Variants in ZNF600 observed in about 807,000 individuals in gnomAD.
ZNF600 encodes zinc finger protein KR-ZNF1.
ZNF600 carries 4 observed loss-of-function variants against 7.3 expected under a neutral mutation model. That is an observed-to-expected ratio of 0.55 (90% CI 0.27 to 1.25). ZNF600 has a LOEUF of 1.25. Ranked by LOEUF, ZNF600 falls within the 50% of genes most tolerant of loss-of-function variation. ZNF600 has a pLI of 0.12. For missense variants in ZNF600, 911 were observed against 922.1 expected (o/e 0.99, Z 0.16); for synonymous variants, 290 against 308.9 (o/e 0.94, Z 0.64).
chr19:52,780,592 T>C (rs2062712377), intron 1 of ZNF600: 1 of 152,096 alleles, frequency 6.6e-6, no homozygotes, highest in Non-Finnish European at 1.5e-5. Flanking sequence ...TTAAAGAATT[T>C]TGAAAGTCGA....
Position 52,766,810 on chromosome 19 carries a change from T to G in ZNF600, c.1153A>C (p.Thr385Pro). 5 of 1,614,114 alleles carry G rather than the reference T, an allele frequency of 3.1e-6. No individual in the cohort carries two copies. The South Asian group carries it at 3.3e-5, about 11-fold the overall frequency. Residue 385 changes from threonine to proline, a missense_variant, in exon 4 of 4, where the codon ACC becomes CCC. By Grantham distance (38) the Thr-to-Pro change is conservative (BLOSUM62 -1). Transcript: ENST00000648973. ...TGAATTCTCTTATGTGACTCAAGGG[T>G]TGATTTCCGACTGAAAACTTTGTCA...
chr19:52,815,528 A>ATTT, the ZNF600 span, among the ~76,000 whole-genome samples: 1 of 145,524 alleles, frequency 6.9e-6, no homozygotes, highest in Non-Finnish European at 1.5e-5. Context: ...AAAAAAATAA[A>ATTT]TAAAAAAAAT....
chr19:52,796,032 G>A, the ZNF600 span, among the ~76,000 whole-genome samples: 1 of 152,092 alleles, frequency 6.6e-6, no homozygotes, highest in Non-Finnish European at 1.5e-5. Context: ...AAAATTTGCC[G>A]GGTGCAATGG....
chr19:52,766,819 G>C (rs763427919), exon 4 of ZNF600: 1 of 1,613,944 alleles, frequency 6.2e-7, no homozygotes, highest in South Asian at 1.1e-5. Flanking sequence ...GTTGATTTCC[G>C]ACTGAAAACT....
chr19:52,790,166 G>A (rs7248685), upstream of ZNF600, among the ~76,000 whole-genome samples: 51,811 of 152,106 alleles, frequency 0.34, 9,917 homozygotes, highest in East Asian at 0.76. Context: ...CCATCTGGGC[G>A]TATACGTGCA....
the ZNF600 span, among the ~76,000 whole-genome samples, chr19:52,833,635 TG>T: frequency 3.1e-4 from 47 of 151,980 alleles, no homozygotes; most frequent in Non-Finnish European, 6.2e-4. Flanking sequence ...ATCCTGTACG[TG>T]AAAAAAGTAT....
downstream of ZNF600, chr19:52,764,510 T>C (rs1039199308): frequency 6.6e-6 from 1 of 151,248 alleles, no homozygotes; most frequent in African/African-American, 2.4e-5. Context: ...CCATCCAGCT[T>C]TGATATCCTT....
chr19:52,809,880 G>T, the ZNF600 span: 3 of 736,374 alleles, frequency 4.1e-6, no homozygotes, highest in South Asian at 4.7e-5. Flanking sequence ...GGGCGGTCCG[G>T]GATCCAGGCC....
intron 3 of ZNF600, 91 bp downstream of exon 5, chr19:52,774,482 TGG>T: frequency 1.1e-6 from 1 of 924,954 alleles, no homozygotes; most frequent in South Asian, 5.1e-5. Context: ...AAGCCATGCA[TGG>T]GGCAAAATCA....
At chr19:52,768,404 C>T (rs1000239116) in intron 3 of ZNF600, among the ~76,000 whole-genome samples, 10 of 147,178 alleles carry the variant, frequency 6.8e-5, no homozygotes, top group East Asian at 4.0e-4. Flanking sequence ...TGCACCTCTG[C>T]ACTCCAGCCT....
the ZNF600 span, among the ~76,000 whole-genome samples, chr19:52,820,440 T>A: frequency 2.6e-5 from 4 of 151,380 alleles, no homozygotes; most frequent in African/African-American, 4.9e-5. Context: ...TTGTTGGTCC[T>A]TCTCCCCAAT....
intron 2 of ZNF600, 79 bp from the exon 5 acceptor site, chr19:52,774,780 A>G (rs774815125): frequency 2.2e-4 from 219 of 985,226 alleles, no homozygotes; most frequent in Non-Finnish European, 2.4e-4. Context: ...AAAAGAGAAA[A>G]TAAGTATTTG....
the ZNF600 span, among the ~76,000 whole-genome samples, chr19:52,802,035 G>C: frequency 6.6e-6 from 1 of 151,946 alleles, no homozygotes; most frequent in Non-Finnish European, 1.5e-5. Flanking sequence ...ATCAAAAAAA[G>C]AAAAATATAT....
chr19:52,800,164 T>G, the ZNF600 span: 1 of 1,613,826 alleles, frequency 6.2e-7, no homozygotes, highest in Non-Finnish European at 8.5e-7. Flanking sequence ...GATTTGCGAC[T>G]GAAAACTTTC....
chr19:52,817,833 G>A, the ZNF600 span: 11 of 1,572,838 alleles, frequency 7.0e-6, no homozygotes, highest in Non-Finnish European at 6.9e-6. Context: ...GGGTGAGGGT[G>A]AGCAAACATA....
chr19:52,828,486 GACTA>G, the ZNF600 span, among the ~76,000 whole-genome samples: 249 of 152,182 alleles, frequency 1.6e-3, 2 homozygotes, highest in African/African-American at 5.6e-3. Context: ...AAGAAGAAAT[GACTA>G]ACAGTGTCAG....
At chr19:52,817,805 T>C in the ZNF600 span, 1 of 1,542,266 alleles carries the variant, frequency 6.5e-7, no homozygotes. Flanking sequence ...CGAGATGAGA[T>C]GAACTGAAGG....
At chr19:52,810,535 C>G in the ZNF600 span, 1 of 1,597,046 alleles carries the variant, frequency 6.3e-7, no homozygotes, top group Non-Finnish European at 8.6e-7. Context: ...CAAAGCGAAC[C>G]AACAGACCAG....
At chr19:52,798,322 T>G in the ZNF600 span, 5 of 317,174 alleles carry the variant, frequency 1.6e-5, no homozygotes, top group Non-Finnish European at 3.1e-5. Context: ...CATAAACAGT[T>G]TAATGTCAAT....
Sources: allele counts gnomAD v4.1 joint callset (sites outside exome capture counted in the v4.1 genomes callset), GRCh38; gene constraint gnomAD v4.1.1; transcripts MANE v1.5; gene names NCBI Gene and HGNC (gene_info 2026-07-23, HGNC 2026-07-21).